Variants in TFDP1 observed in about 807,000 individuals in gnomAD.
TFDP1 encodes DRTF1-polypeptide 1.
TFDP1 carries 6 observed loss-of-function variants against 48.0 expected under a neutral mutation model. That is an observed-to-expected ratio of 0.13 (90% CI 0.07 to 0.25). The LOEUF (loss-of-function observed/expected upper bound fraction) is 0.25, where lower values mean the gene tolerates loss of function less well. TFDP1 is among the 10% of genes least tolerant of loss of function. The pLI, the probability that TFDP1 is intolerant of heterozygous loss-of-function variation, is 1.00. For synonymous variants in TFDP1, 201 were observed against 211.6 expected, an observed-to-expected ratio of 0.95 and a Z score of 0.44; for missense variants, 335 against 543.0, an observed-to-expected ratio of 0.62 and a Z score of 3.81.
chr13:113,593,256 A>T (rs1266692073), intron 2 of TFDP1, among the ~76,000 whole-genome samples: 1 of 116,346 alleles, frequency 8.6e-6, no homozygotes, highest in African/African-American at 3.5e-5. Context: ...TCAGCTATAC[A>T]CAGGTGTCAG....
chr13:113,629,170 A>C (rs775339973), intron 4 of TFDP1, among the ~76,000 whole-genome samples: 1 of 152,238 alleles, frequency 6.6e-6, no homozygotes, highest in Non-Finnish European at 1.5e-5. Flanking sequence ...CAGGGCACGC[A>C]GAGGAAGGTG....
chr13:113,632,595 G>C (rs892728585), intron 5 of TFDP1, among the ~76,000 whole-genome samples: 1 of 152,156 alleles, frequency 6.6e-6, no homozygotes, highest in South Asian at 2.1e-4. Flanking sequence ...GGCCAACGTG[G>C]TGCAACCCCG....
At chr13:113,602,981 A>AC (rs1390101975) in intron 2 of TFDP1, among the ~76,000 whole-genome samples, 2 of 136,166 alleles carry the variant, frequency 1.5e-5, no homozygotes, top group Admixed American at 7.4e-5. Flanking sequence ...AAAAAAAAAA[A>AC]AAAAACGTAT....
intron 4 of TFDP1, among the ~76,000 whole-genome samples, chr13:113,630,324 C>T (rs1415627735): frequency 6.6e-6 from 1 of 152,214 alleles, no homozygotes; most frequent in African/African-American, 2.4e-5. Flanking sequence ...TGATGAGTCT[C>T]TGATCATCGG....
chr13:113,597,997 G>A (rs2048326498), intron 2 of TFDP1, among the ~76,000 whole-genome samples: 1 of 152,296 alleles, frequency 6.6e-6, no homozygotes. Flanking sequence ...CTTCCAGGAG[G>A]GCTGCAGGCA....
rs1273211612 is a variant in TFDP1, at chr13:113,625,307, T to C, written c.186+2021T>C. Among the ~76,000 whole-genome samples, 108 of 113,804 alleles carry C rather than the reference T, an allele frequency of 9.5e-4. 5 individuals are homozygous for C. Among genetic ancestry groups the C allele is most frequent in the African/African-American group, 4.3e-3 (101 of 23,294 alleles). 74.7% of individuals were successfully genotyped at this position (113,804 alleles called of 152,430 possible). A position where few individuals can be genotyped will look rare whatever the true frequency, so the allele number is the denominator to read the frequency against. On this transcript the variant is annotated intron_variant, in intron 4 of 11. Coordinates refer to ENST00000375370, the MANE Select transcript of TFDP1 (RefSeq NM_007111.5). ...CACGTGTCCTCAGGTGTCTCTCACG[T>C]GTCCTCACGTGTTTCTCAGGCGTCT...
chr13:113,628,436 C>G (rs2049247119), intron 4 of TFDP1, among the ~76,000 whole-genome samples: 1 of 152,262 alleles, frequency 6.6e-6, no homozygotes, highest in South Asian at 2.1e-4. Flanking sequence ...CCCCTGCTCC[C>G]CAGCGAGAGG....
chr13:113,639,959 G>A (rs1230750189), intron 11 of TFDP1, among the ~76,000 whole-genome samples, 161 bp from the exon 12 acceptor site: 1 of 152,248 alleles, frequency 6.6e-6, no homozygotes, highest in East Asian at 1.9e-4. Flanking sequence ...CAGAGCGTTG[G>A]CGTGCTGTAG....
chr13:113,585,644 G>T, intron 1 of TFDP1, 130 bp from the exon 2 acceptor site: 1 of 546,786 alleles, frequency 1.8e-6, no homozygotes. Context: ...GGCCAGCTCC[G>T]CTCTCAGGAT....
At chr13:113,636,391 A>G in intron 9 of TFDP1, 143 bp from the exon 10 acceptor site, 1 of 1,059,982 alleles carries the variant, frequency 9.4e-7, no homozygotes, top group Non-Finnish European at 1.4e-6. Context: ...TTCAGAGTTT[A>G]TAAATTCTGT....
At chr13:113,628,195 AAGCCGTGTAAAGACTGTCTGG>A (rs1375505771) in intron 4 of TFDP1, among the ~76,000 whole-genome samples, 21 of 145,044 alleles carry the variant, frequency 1.4e-4, no homozygotes, top group Non-Finnish European at 2.7e-4. Context: ...ACTGTGTCTG[AAGCCGTGTAAAGACTGTCTGG>A]AGCCGTGTAA....
At chr13:113,626,267 A>G (rs912193696) in intron 4 of TFDP1, among the ~76,000 whole-genome samples, 1 of 152,174 alleles carries the variant, frequency 6.6e-6, no homozygotes, top group Non-Finnish European at 1.5e-5. Context: ...CCTTTGGTCT[A>G]ATCATGTTTT....
Position 113,633,868 on chromosome 13 carries a change from C to T in TFDP1, c.475-22C>T, listed in dbSNP as rs1209890698. ...CCGGCCTTTTTGGATCATTTGGAAA[C>T]TCCACTCCCTGTCATCCCCAGGCTT... On this transcript the variant is annotated intron_variant, in intron 6 of 11. Transcript: ENST00000375370. The surrounding 1 kb of genome is among the most constrained non-coding windows in gnomAD (Gnocchi z 4.5). 1.3e-6 allele frequency: 2 copies of T among 1,595,180 alleles called. No homozygotes were observed. Among genetic ancestry groups the T allele is most frequent in the East Asian group, 2.2e-5 (1 of 44,724 alleles).
In TFDP1 at chr13:113,627,703, G is replaced by C. The variant is rs1209140073; in HGVS notation, c.187-3920G>C. On this transcript the variant is annotated intron_variant, in intron 4 of 11. Coordinates refer to ENST00000375370, the MANE Select transcript of TFDP1 (RefSeq NM_007111.5). The surrounding 1 kb of genome is among the most constrained non-coding windows in gnomAD (Gnocchi z 4.1). Reference sequence around the variant, plus strand: ...GAGCCCTGCCTCCTGTCAGATCCCAGCATTAGGTTCTCAGGAGCGCAAACC... The same window carrying C: ...GAGCCCTGCCTCCTGTCAGATCCCACCATTAGGTTCTCAGGAGCGCAAACC... Among the ~76,000 whole-genome samples, 12 of 147,358 alleles carry C rather than the reference G, an allele frequency of 8.1e-5. No homozygotes were observed. The highest frequency in any genetic ancestry group is 1.8e-4 in the Non-Finnish European group (12 of 68,030).
At chr13:113,595,302 A>T (rs995762091) in intron 2 of TFDP1, among the ~76,000 whole-genome samples, 6 of 152,204 alleles carry the variant, frequency 3.9e-5, no homozygotes, top group Admixed American at 1.3e-4. Context: ...CACGCCCACC[A>T]TACTGGGTTT....
rs893009089 is a variant in TFDP1 at position 113,627,447 on chromosome 13, C to T, written c.186+4161C>T. On this transcript the variant is annotated intron_variant, in intron 4 of 11. Transcript: ENST00000375370. The surrounding 1 kb of genome is among the most constrained non-coding windows in gnomAD (Gnocchi z 4.1). ...GGCATCTGTGGTCGCAGTGGCCTTT[C>T]CTTTGCAGCTGCGCCACTGGCCCTG... is the stretch of plus-strand genomic sequence containing the variant. 6.6e-6 allele frequency among the ~76,000 whole-genome samples: 1 copy of T among 152,204 alleles called. No individual in the cohort carries two copies. The highest frequency in any genetic ancestry group is 2.4e-5 in the African/African-American group (1 of 41,464).
chr13:113,617,024 C>G (rs1356993684), intron 3 of TFDP1, among the ~76,000 whole-genome samples: 1 of 152,184 alleles, frequency 6.6e-6, no homozygotes, highest in Non-Finnish European at 1.5e-5. Flanking sequence ...GCAGGGTAGC[C>G]TCCCAGAGCT....
rs963430430 is a variant in TFDP1, at chr13:113,598,190, C to T, written c.12+12341C>T. On this transcript the variant is annotated intron_variant, in intron 2 of 11. Transcript: ENST00000375370. The surrounding 1 kb of genome is among the most constrained non-coding windows in gnomAD (Gnocchi z 4.2). Reference sequence around the variant, plus strand: ...CCCAGCCCTGGAAAACCGTGCCTGCCAGGTTCATACCACACAACCCGGTGC... The same window carrying T: ...CCCAGCCCTGGAAAACCGTGCCTGCTAGGTTCATACCACACAACCCGGTGC... Among the ~76,000 whole-genome samples, 7 of 152,126 alleles carry T rather than the reference C, an allele frequency of 4.6e-5. No homozygotes were observed. The South Asian group carries it at 6.2e-4, about 13-fold the overall frequency.
chr13:113,619,758 C>T (rs912988527), intron 3 of TFDP1, among the ~76,000 whole-genome samples: 11 of 152,266 alleles, frequency 7.2e-5, no homozygotes, highest in East Asian at 3.9e-4. Flanking sequence ...CCCTCTGTCC[C>T]GTAGAGACTC....
Sources: gnomAD v4.1 joint callset for allele counts (sites outside exome capture counted in the v4.1 genomes callset) on GRCh38, gnomAD v4.1.1 for gene constraint, Gnocchi (gnomAD v3.1) non-coding constraint, MANE v1.5 for transcripts, NCBI Gene and HGNC (gene_info 2026-07-23, HGNC 2026-07-21) for gene names.